The following ADGRA2 variants were observed in gnomAD, a reference collection of about 807,000 sequenced individuals.
ADGRA2 encodes adhesion G protein-coupled receptor A2.
Under a neutral mutation model 98.7 loss-of-function variants are expected in ADGRA2, and 61 were observed. The ratio of observed to expected loss-of-function variants is 0.62; its 90% CI spans 0.50 to 0.76. The LOEUF (loss-of-function observed/expected upper bound fraction) is 0.76, where lower values mean the gene tolerates loss of function less well. Ranked by LOEUF, ADGRA2 falls within the 30% of genes least tolerant of loss-of-function variation. The pLI is 0.00. For synonymous variants in ADGRA2, 858 were observed against 831.5 expected (o/e 1.03, Z -0.55); for missense variants, 1,712 against 1,860.0 (o/e 0.92, Z 1.46).
At chr8:37,813,858 C>T (rs1430097950) in intron 1 of ADGRA2, among the ~76,000 whole-genome samples, 4 of 152,228 alleles carry the variant, frequency 2.6e-5, no homozygotes, top group Non-Finnish European at 4.4e-5. Context: ...AGCTTCGAGG[C>T]TCATCTCTTT....
rs999944363 is a variant in ADGRA2 at position 37,797,143 on chromosome 8, A to C, written c.-126A>C. 329 of 565,690 alleles carry C rather than the reference A, an allele frequency of 5.8e-4. No homozygotes were observed. Among genetic ancestry groups the C allele is most frequent in the Middle Eastern group, 1.3e-3 (2 of 1,502 alleles). 35.0% of individuals were successfully genotyped at this position (565,690 alleles called of 1,614,324 possible). A position where few individuals can be genotyped will look rare whatever the true frequency, so the allele number is the denominator to read the frequency against. Reference sequence around the variant, plus strand: ...GGGACCCCGGGGCTCGCCTCCGCCCAGGGCCCCCCTCCACGCCCTCGGGAG... The same window carrying C: ...GGGACCCCGGGGCTCGCCTCCGCCCCGGGCCCCCCTCCACGCCCTCGGGAG... On this transcript the variant is annotated 5_prime_UTR_variant, in exon 1 of 19. Coordinates refer to ENST00000412232, the MANE Select transcript of ADGRA2 (RefSeq NM_032777.10). The surrounding 1 kb of genome is among the most constrained non-coding windows in gnomAD (Gnocchi z 5.3).
chr8:37,830,988 C>T lies in ADGRA2; in HGVS notation c.932+65C>T. ...GTTAGGGGACCTACCCTACCCGTCA[C>T]CACCCCGCAAAAGAGCTGCCCCCAG... On this transcript the variant is annotated intron_variant, in intron 7 of 18. Transcript: ENST00000412232. This position sits in a 1 kb window ranked among gnomAD's most constrained non-coding sequence, Gnocchi z 4.8. The T allele has an allele frequency of 1.6e-6, 2 of 1,231,002 alleles. No individual in the cohort carries two copies. The highest frequency in any genetic ancestry group is 1.5e-5 in the African/African-American group (1 of 67,366). The allele number at this position is 1,231,002 out of a possible 1,614,324, so 76.3% of individuals were successfully genotyped here.
At chr8:37,799,326 G>C (rs576093028) in intron 1 of ADGRA2, among the ~76,000 whole-genome samples, 6 of 150,268 alleles carry the variant, frequency 4.0e-5, no homozygotes, top group Middle Eastern at 3.5e-3. Flanking sequence ...AGTGAGCCGC[G>C]ATCACGCCAT....
chr8:37,797,558 C>G lies in ADGRA2; in HGVS notation c.266+24C>G. On this transcript the variant is annotated intron_variant, in intron 1 of 18. Coordinates refer to ENST00000412232, the MANE Select transcript of ADGRA2 (RefSeq NM_032777.10). The surrounding 1 kb of genome is among the most constrained non-coding windows in gnomAD (Gnocchi z 5.3). ...CTGTGAGTACCCTACCAGGCCAGTT[C>G]CGTCCGAGCCGGGACTGGGGACGAA... 1 of 1,346,786 alleles carries G rather than the reference C, an allele frequency of 7.4e-7. No homozygotes were observed. Among genetic ancestry groups the G allele is most frequent in the Non-Finnish European group, 9.6e-7 (1 of 1,042,170 alleles). 83.4% of individuals were successfully genotyped at this position (1,346,786 alleles called of 1,614,324 possible). A position where few individuals can be genotyped will look rare whatever the true frequency, so the allele number is the denominator to read the frequency against.
At chr8:37,829,625 T>G in intron 5 of ADGRA2, 66 bp downstream of exon 5, 2 of 1,215,002 alleles carry the variant, frequency 1.6e-6, no homozygotes, top group East Asian at 4.6e-5. Context: ...GAGAGATGTA[T>G]AAGTATCATG....
chr8:37,815,194 G>C (rs888024522), intron 2 of ADGRA2, among the ~76,000 whole-genome samples: 7 of 152,360 alleles, frequency 4.6e-5, no homozygotes, highest in African/African-American at 1.7e-4. Context: ...GCCACGGCGA[G>C]AGAAGTGGGG....
chr8:37,831,684 C>T (rs2130017406), intron 8 of ADGRA2, 97 bp downstream of exon 8: 1 of 1,041,464 alleles, frequency 9.6e-7, no homozygotes, highest in Non-Finnish European at 1.4e-6. Context: ...TCCGCTGTCT[C>T]TGTTGGGTCC....
intron 1 of ADGRA2, among the ~76,000 whole-genome samples, chr8:37,813,642 A>G (rs1039103238): frequency 1.3e-5 from 2 of 152,100 alleles, no homozygotes; most frequent in African/African-American, 4.8e-5. Flanking sequence ...GGATCTATGG[A>G]GTGGGGAGAA....
rs567503845 is a variant in ADGRA2 at position 37,834,180 on chromosome 8, C to T, written c.1608+52C>T. 25 of 1,520,014 alleles carry T rather than the reference C, an allele frequency of 1.6e-5. No individual in the cohort carries two copies. In the African/African-American group the frequency reaches 3.1e-4, roughly 19 times the overall value. 94.2% of individuals were successfully genotyped at this position (1,520,014 alleles called of 1,614,324 possible). On this transcript the variant is annotated intron_variant, in intron 11 of 18. Coordinates refer to ENST00000412232, the MANE Select transcript of ADGRA2 (RefSeq NM_032777.10). This position sits in a 1 kb window ranked among gnomAD's most constrained non-coding sequence, Gnocchi z 4.2. ...CCCTGGCATGCAGAGGAGGGAGGCG[C>T]TCCCTCTCAGGCGTGCACCTGCCGT... is the stretch of plus-strand genomic sequence containing the variant.
intron 2 of ADGRA2, among the ~76,000 whole-genome samples, chr8:37,818,122 G>A (rs7007266): frequency 0.066 from 10,010 of 152,260 alleles, 1,076 homozygotes; most frequent in African/African-American, 0.22. Flanking sequence ...CTCAGCCCAG[G>A]CTTGGTCTTG....
intron 2 of ADGRA2, among the ~76,000 whole-genome samples, chr8:37,820,247 A>G (rs907546087): frequency 3.3e-5 from 5 of 152,186 alleles, no homozygotes; most frequent in African/African-American, 1.2e-4. Context: ...CGACATCTAG[A>G]TTCATGTGTG....
chr8:37,842,545 A>T lies in ADGRA2; in HGVS notation c.*190A>T. 2.3e-5 allele frequency: 22 copies of T among 974,170 alleles called. No homozygotes were observed. Among genetic ancestry groups the T allele is most frequent in the Non-Finnish European group, 2.9e-5 (21 of 718,024 alleles). The allele number at this position is 974,170 out of a possible 1,614,324, so 60.3% of individuals were successfully genotyped here. On this transcript the variant is annotated 3_prime_UTR_variant, in exon 19 of 19. Coordinates refer to ENST00000412232, the MANE Select transcript of ADGRA2 (RefSeq NM_032777.10). ...TGGGGTAGCGACAGACAATCCCAGA[A>T]ACACGCATAATACATTTCCGTCCAG...
chr8:37,831,388 G>T (rs1237286087), intron 7 of ADGRA2, 35 bp from the exon 8 acceptor site: 2 of 1,601,766 alleles, frequency 1.2e-6, no homozygotes, highest in African/African-American at 1.3e-5. Flanking sequence ...GGGCCCAAGG[G>T]TGACTCACGA....
chr8:37,805,291 C>T (rs1214483366), intron 1 of ADGRA2, among the ~76,000 whole-genome samples: 2 of 152,226 alleles, frequency 1.3e-5, no homozygotes, highest in East Asian at 3.8e-4. Context: ...GCCCTTCTGT[C>T]CTTACAGTCT....
rs1303742274 is a variant in ADGRA2, at chr8:37,842,622, T to G, written c.*267T>G. ...CTCCCAGGAACGGGGAAGGCCTCCG[T>G]CTGTGTGAAAGGGCACAGCACATCC... On this transcript the variant is annotated 3_prime_UTR_variant, in exon 19 of 19. Transcript: ENST00000412232. 2.2e-6 allele frequency: 1 copy of G among 446,780 alleles called. No homozygotes were observed. The highest frequency in any genetic ancestry group is 2.0e-5 in the African/African-American group (1 of 48,848). 27.7% of individuals were successfully genotyped at this position (446,780 alleles called of 1,614,324 possible).
chr8:37,828,817 A>T, intron 2 of ADGRA2, 71 bp from the exon 3 acceptor site: 1 of 1,224,122 alleles, frequency 8.2e-7, no homozygotes, highest in Non-Finnish European at 1.2e-6. Context: ...GGTGACAGTG[A>T]GGACCCCTCC....
intron 2 of ADGRA2, among the ~76,000 whole-genome samples, chr8:37,819,459 C>T (rs1450098022): frequency 1.3e-5 from 2 of 152,212 alleles, no homozygotes; most frequent in African/African-American, 4.8e-5. Flanking sequence ...CCTCTGCCTC[C>T]TGGGTTTTAA....
In ADGRA2 at chr8:37,834,649, G is replaced by A. The variant is rs61597050; in HGVS notation, c.1608+521G>A. On this transcript the variant is annotated intron_variant, in intron 11 of 18. Transcript: ENST00000412232. The surrounding 1 kb of genome is among the most constrained non-coding windows in gnomAD (Gnocchi z 4.2). ...AGCAAGAAGCCTGTAATCCCAGCAC[G>A]TTGGGAGGCCGATACAGGAGGATCT... 1.3e-5 allele frequency among the ~76,000 whole-genome samples: 2 copies of A among 152,096 alleles called. No homozygotes were observed. The highest frequency in any genetic ancestry group is 2.4e-5 in the African/African-American group (1 of 41,380).
At chr8:37,821,000 C>T (rs1805110682) in intron 2 of ADGRA2, among the ~76,000 whole-genome samples, 1 of 152,108 alleles carries the variant, frequency 6.6e-6, no homozygotes, top group African/African-American at 2.4e-5. Context: ...AAACAGAGCC[C>T]TGCAGAAACA....
Sources: gnomAD v4.1 joint callset for allele counts (sites outside exome capture counted in the v4.1 genomes callset) on GRCh38, gnomAD v4.1.1 for gene constraint, Gnocchi (gnomAD v3.1) non-coding constraint, MANE v1.5 for transcripts, NCBI Gene and HGNC (gene_info 2026-07-23, HGNC 2026-07-21) for gene names.